KLF12: variants seen among roughly 807,000 people sequenced by gnomAD.
KLF12 encodes Krueppel-like factor 12.
A neutral mutation model predicts 37.8 loss-of-function variants in KLF12; 9 were observed. The observed-to-expected ratio is 0.24, with a 90% CI of 0.14 to 0.42. KLF12 has a LOEUF of 0.42. Among genes scored for constraint, KLF12 ranks in the 10% least tolerant of loss-of-function variants. The probability of loss-of-function intolerance (pLI) is 1.00; values close to 1 mark genes in which losing one functional copy is unlikely to be tolerated. For missense variants in KLF12, 411 were observed against 516.0 expected, an observed-to-expected ratio of 0.80 and a Z score of 1.97; for synonymous variants, 208 against 202.1, an observed-to-expected ratio of 1.03 and a Z score of -0.25.
At chr13:73,703,873 C>A (rs185573493) in intron 7 of KLF12, among the ~76,000 whole-genome samples, 98 of 152,318 alleles carry the variant, frequency 6.4e-4, no homozygotes, top group Non-Finnish European at 1.2e-3. Flanking sequence ...ATGTGAGCTA[C>A]TACTCACAGG....
chr13:73,734,799 T>C (rs949960604), intron 6 of KLF12, among the ~76,000 whole-genome samples: 2 of 152,192 alleles, frequency 1.3e-5, no homozygotes, highest in Non-Finnish European at 2.9e-5. Context: ...GTGTTTTCAT[T>C]TTGCAGATAA....
At chr13:73,785,258 G>A (rs559341167) in intron 5 of KLF12, among the ~76,000 whole-genome samples, 71 of 152,000 alleles carry the variant, frequency 4.7e-4, no homozygotes, top group African/African-American at 1.6e-3. Context: ...GGAACTACAG[G>A]TGGTGCCACC....
chr13:74,171,750 A>G, the KLF12 span, among the ~76,000 whole-genome samples: 1 of 152,228 alleles, frequency 6.6e-6, no homozygotes, highest in South Asian at 2.1e-4. Context: ...TCAGCTGCTA[A>G]AAAGACTCCC....
chr13:74,050,938 G>A (rs762638387), intron 1 of KLF12, among the ~76,000 whole-genome samples: 21 of 152,230 alleles, frequency 1.4e-4, no homozygotes, highest in Middle Eastern at 3.4e-3. Context: ...ACATGAAAAG[G>A]TGCTCAACAC....
At chr13:74,276,420 C>A in the KLF12 span, among the ~76,000 whole-genome samples, 1 of 152,052 alleles carries the variant, frequency 6.6e-6, no homozygotes, top group African/African-American at 2.4e-5. Context: ...ATTCCATTCA[C>A]TTTGGGGGTT....
chr13:73,704,759 G>T (rs918909185), intron 7 of KLF12, among the ~76,000 whole-genome samples: 1 of 152,106 alleles, frequency 6.6e-6, no homozygotes, highest in Admixed American at 6.5e-5. Flanking sequence ...CTCTCTGTCC[G>T]ACTCAGCAGT....
At chr13:73,960,361 AT>A in intron 2 of KLF12, 2 of 295,438 alleles carry the variant, frequency 6.8e-6, no homozygotes, top group Non-Finnish European at 1.5e-5. Context: ...ATGGAGTGAG[AT>A]TTTTCACTTG....
chr13:73,875,232 G>A (rs1886649043), intron 3 of KLF12, among the ~76,000 whole-genome samples: 1 of 151,972 alleles, frequency 6.6e-6, no homozygotes, highest in Admixed American at 6.6e-5. Flanking sequence ...GAACTCCCAT[G>A]GTGAGCTTTT....
At chr13:73,957,087 AAAGGAAAGGAAAGGAAAGAAAGG>A (rs1890868006) in intron 2 of KLF12, among the ~76,000 whole-genome samples, 1 of 103,690 alleles carries the variant, frequency 9.6e-6, no homozygotes, top group Admixed American at 9.4e-5. Context: ...AAAGGAAAGG[AAAGGAAAGGAAAGGAAAGAAAGG>A]AAAAGAAAGA....
At chr13:73,985,349 T>C (rs1266513526) in intron 2 of KLF12, among the ~76,000 whole-genome samples, 1 of 152,168 alleles carries the variant, frequency 6.6e-6, no homozygotes, top group Non-Finnish European at 1.5e-5. Flanking sequence ...GGTGCCCAGA[T>C]TCCAACTCTC....
At chr13:73,923,283 A>G (rs545531694) in intron 3 of KLF12, among the ~76,000 whole-genome samples, 2 of 152,294 alleles carry the variant, frequency 1.3e-5, no homozygotes, top group Non-Finnish European at 2.9e-5. Context: ...AATGCTGCCT[A>G]TGACAATGGA....
At chr13:74,269,027 C>G in the KLF12 span, among the ~76,000 whole-genome samples, 1 of 152,222 alleles carries the variant, frequency 6.6e-6, no homozygotes, top group South Asian at 2.1e-4. Context: ...CTGGGGAAGA[C>G]CTTTGCATTG....
chr13:73,801,451 T>C (rs1465415100), intron 5 of KLF12: 1 of 152,140 alleles, frequency 6.6e-6, no homozygotes, highest in African/African-American at 2.4e-5. Flanking sequence ...TGGGAACTTG[T>C]AGTGAAACTT....
chr13:74,115,824 C>A (rs1327631854), intron 1 of KLF12, among the ~76,000 whole-genome samples: 2 of 152,054 alleles, frequency 1.3e-5, no homozygotes, highest in Non-Finnish European at 2.9e-5. Context: ...TTCTTATTGC[C>A]TTCTCCTCCT....
chr13:74,120,500 T>A (rs1320081877), intron 1 of KLF12, among the ~76,000 whole-genome samples: 2 of 151,904 alleles, frequency 1.3e-5, no homozygotes, highest in Non-Finnish European at 2.9e-5. Context: ...AATAAAAAAT[T>A]ATTATTTAGG....
intron 6 of KLF12, among the ~76,000 whole-genome samples, chr13:73,752,757 GCT>G (rs1566343019): frequency 1.6e-5 from 1 of 60,956 alleles, no homozygotes; most frequent in Non-Finnish European, 3.1e-5. Context: ...ACAGAGTCTT[GCT>G]CTGTCACCCA....
intron 5 of KLF12, among the ~76,000 whole-genome samples, chr13:73,807,482 G>A (rs967234862): frequency 2.0e-5 from 3 of 152,090 alleles, no homozygotes; most frequent in Admixed American, 1.3e-4. Flanking sequence ...TTAAGACGAT[G>A]AGCACTTCAT....
At chr13:74,199,972 A>G in the KLF12 span, among the ~76,000 whole-genome samples, 3 of 152,126 alleles carry the variant, frequency 2.0e-5, no homozygotes, top group African/African-American at 7.2e-5. Context: ...AAACACTTAT[A>G]GCATCCTACT....
intron 1 of KLF12, among the ~76,000 whole-genome samples, chr13:74,020,097 C>G (rs967706297): frequency 6.6e-6 from 1 of 152,226 alleles, no homozygotes; most frequent in African/African-American, 2.4e-5. Flanking sequence ...AAAGACTTTA[C>G]ATGTCTCATA....
Sources: gnomAD v4.1 joint callset for allele counts (sites outside exome capture counted in the v4.1 genomes callset) on GRCh38, gnomAD v4.1.1 for gene constraint, MANE v1.5 for transcripts, NCBI Gene and HGNC (gene_info 2026-07-23, HGNC 2026-07-21) for gene names.